EFCAB6: variants seen among roughly 807,000 people sequenced by gnomAD.
EFCAB6 encodes EF-hand calcium binding domain 6, also known as EF-hand calcium-binding domain-containing protein 6.
A neutral mutation model predicts 169.8 loss-of-function variants in EFCAB6; 156 were observed. The observed-to-expected ratio is 0.92, with a 90% confidence interval of 0.81 to 1.05. The LOEUF is 1.05. Ranked by LOEUF, EFCAB6 falls within the 50% of genes least tolerant of loss-of-function variation. The probability of loss-of-function intolerance (pLI) is 0.00; values close to 1 mark genes in which losing one functional copy is unlikely to be tolerated. For synonymous variants in EFCAB6, 698 were observed against 676.4 expected, an observed-to-expected ratio of 1.03 and a Z score of -0.50; for missense variants, 1,800 against 1,829.1, an observed-to-expected ratio of 0.98 and a Z score of 0.29.
intron 20 of EFCAB6, among the ~76,000 whole-genome samples, chr22:43,625,585 C>T (rs944535933): frequency 6.6e-6 from 1 of 152,186 alleles, no homozygotes; most frequent in Non-Finnish European, 1.5e-5. Flanking sequence ...GGAAACAGCA[C>T]TGAGCCGGAG....
intron 26 of EFCAB6, among the ~76,000 whole-genome samples, chr22:43,565,757 A>AG (rs1174809472): frequency 1.3e-5 from 2 of 150,322 alleles, no homozygotes; most frequent in African/African-American, 4.8e-5. Flanking sequence ...TCCTTACAGG[A>AG]GAAAAAAAAA....
At chr22:43,636,310 A>G (rs1256589931) in intron 17 of EFCAB6, among the ~76,000 whole-genome samples, 4 of 152,198 alleles carry the variant, frequency 2.6e-5, no homozygotes, top group African/African-American at 4.8e-5. Flanking sequence ...TGCTCACTGC[A>G]TTCAGCGGAA....
At chr22:43,548,660 T>C (rs1271704470) in intron 27 of EFCAB6, among the ~76,000 whole-genome samples, 3 of 149,302 alleles carry the variant, frequency 2.0e-5, no homozygotes, top group Admixed American at 2.0e-4. Context: ...ACATATATTA[T>C]AATAAAAATG....
chr22:43,750,658 C>T (rs1359235079), intron 6 of EFCAB6, among the ~76,000 whole-genome samples: 1 of 140,720 alleles, frequency 7.1e-6, no homozygotes. Context: ...GTTAGGCAAA[C>T]AGACTGCATT....
At chr22:43,711,014 C>G (rs1409015030) in intron 10 of EFCAB6, among the ~76,000 whole-genome samples, 1 of 152,062 alleles carries the variant, frequency 6.6e-6, no homozygotes, top group Non-Finnish European at 1.5e-5. Context: ...AAAAATCAAC[C>G]AGTTGAAACT....
intron 26 of EFCAB6, among the ~76,000 whole-genome samples, chr22:43,562,462 T>A (rs1025627968): frequency 1.3e-5 from 2 of 151,184 alleles, no homozygotes; most frequent in Non-Finnish European, 2.9e-5. Context: ...TGCCATGACA[T>A]AGGAATCACC....
chr22:43,569,996 A>G (rs2049740415), intron 26 of EFCAB6: 1 of 152,246 alleles, frequency 6.6e-6, no homozygotes, highest in Non-Finnish European at 1.5e-5. Flanking sequence ...TATATTTACA[A>G]TAAAAAGAAA....
intron 13 of EFCAB6, among the ~76,000 whole-genome samples, chr22:43,675,845 C>T (rs181813143): frequency 6.6e-6 from 1 of 150,396 alleles, no homozygotes; most frequent in East Asian, 1.9e-4. Flanking sequence ...TATCCAGCAA[C>T]ATAAAAATGC....
At chr22:43,794,879 A>G (rs1259931627) in intron 2 of EFCAB6, among the ~76,000 whole-genome samples, 3 of 152,244 alleles carry the variant, frequency 2.0e-5, no homozygotes, top group African/African-American at 7.2e-5. Flanking sequence ...ATATATTCCA[A>G]ATGATAGGGT....
chr22:43,702,505 A>G (rs2058803726), intron 10 of EFCAB6, among the ~76,000 whole-genome samples: 1 of 152,226 alleles, frequency 6.6e-6, no homozygotes, highest in Non-Finnish European at 1.5e-5. Context: ...AAAGTACCAC[A>G]CAGAAAGTGT....
intron 5 of EFCAB6, chr22:43,759,058 A>C (rs920647944): frequency 3.3e-5 from 5 of 152,240 alleles, no homozygotes; most frequent in African/African-American, 1.2e-4. Context: ...CCCTGTCTCT[A>C]CTAAAAATAC....
intron 23 of EFCAB6, among the ~76,000 whole-genome samples, chr22:43,594,105 G>C (rs902577517): frequency 1.3e-5 from 2 of 151,466 alleles, no homozygotes; most frequent in African/African-American, 4.8e-5. Flanking sequence ...GAGAAACCCC[G>C]TCTCTGCTAA....
chr22:43,599,655 C>T (rs750866039), intron 23 of EFCAB6, among the ~76,000 whole-genome samples: 1 of 148,630 alleles, frequency 6.7e-6, no homozygotes, highest in East Asian at 2.1e-4. Flanking sequence ...AAGGATATGT[C>T]TGGTTCTTTC....
chr22:43,802,053 A>C (rs2062740923), intron 2 of EFCAB6, among the ~76,000 whole-genome samples: 1 of 152,188 alleles, frequency 6.6e-6, no homozygotes, highest in African/African-American at 2.4e-5. Flanking sequence ...CCAAAATAAG[A>C]GCAGGAATAG....
chr22:43,801,073 C>T (rs2062692768), intron 2 of EFCAB6, among the ~76,000 whole-genome samples: 1 of 151,738 alleles, frequency 6.6e-6, no homozygotes, highest in South Asian at 2.1e-4. Context: ...ATCCTAAAAA[C>T]GGCAAGAGGA....
chr22:43,644,294 G>A (rs779914195), intron 17 of EFCAB6, among the ~76,000 whole-genome samples: 13 of 152,096 alleles, frequency 8.5e-5, no homozygotes, highest in Non-Finnish European at 1.5e-5. Flanking sequence ...TAGTGGTCAG[G>A]GGAGCACACG....
At chr22:43,558,983 A>C (rs1335970194) in intron 26 of EFCAB6, among the ~76,000 whole-genome samples, 1 of 152,244 alleles carries the variant, frequency 6.6e-6, no homozygotes, top group Admixed American at 6.5e-5. Flanking sequence ...AAACACCAAA[A>C]GCAATTGCAA....
chr22:43,733,844 G>A (rs1322167425), intron 7 of EFCAB6, among the ~76,000 whole-genome samples: 5 of 152,094 alleles, frequency 3.3e-5, no homozygotes, highest in African/African-American at 4.8e-5. Flanking sequence ...AAGTAGCTGG[G>A]ACTACAGGTG....
At chr22:43,707,938 G>A (rs988716815) in intron 10 of EFCAB6, among the ~76,000 whole-genome samples, 5 of 151,996 alleles carry the variant, frequency 3.3e-5, no homozygotes, top group African/African-American at 4.8e-5. Context: ...AGGTGAAGGC[G>A]CTTTTTCATT....
Sources: allele counts gnomAD v4.1 joint callset (sites outside exome capture counted in the v4.1 genomes callset), GRCh38; gene constraint gnomAD v4.1.1; transcripts MANE v1.5; gene names NCBI Gene and HGNC (gene_info 2026-07-23, HGNC 2026-07-21).